MAP1B: variants seen among roughly 807,000 people sequenced by gnomAD.
MAP1B encodes microtubule associated protein 1B, also known as microtubule-associated protein 1B.
MAP1B carries 12 observed loss-of-function variants against 176.1 expected under a neutral mutation model. The ratio of observed to expected loss-of-function variants is 0.07; its 90% CI spans 0.04 to 0.11. The LOEUF is 0.11. MAP1B is among the 10% of genes least tolerant of loss of function. The pLI is 1.00. For synonymous variants in MAP1B, 1,044 were observed against 1,135.0 expected (o/e 0.92, Z 1.61); for missense variants, 2,523 against 2,990.5 (o/e 0.84, Z 3.65).
chr5:72,151,989 A>T (rs958673114), intron 2 of MAP1B, among the ~76,000 whole-genome samples: 1 of 152,182 alleles, frequency 6.6e-6, no homozygotes, highest in Non-Finnish European at 1.5e-5. Flanking sequence ...AACTTACATA[A>T]CCGTGCTACT....
At chr5:72,144,669 T>C (rs1746013552) in intron 2 of MAP1B, among the ~76,000 whole-genome samples, 1 of 152,208 alleles carries the variant, frequency 6.6e-6, no homozygotes, top group South Asian at 2.1e-4. Context: ...GTACTAGGAT[T>C]ACAGGCATGA....
At position 72,151,757 on chromosome 5, in the gene MAP1B, C is replaced by T. The variant is rs183428857; in HGVS notation, c.287-31986C>T. 8.7e-4 allele frequency among the ~76,000 whole-genome samples: 133 copies of T among 152,290 alleles called. 3 individuals are homozygous for T. Among genetic ancestry groups the T allele is most frequent in the South Asian group, 2.5e-3 (12 of 4,828 alleles). On this transcript the variant is annotated intron_variant, in intron 2 of 6. Transcript: ENST00000296755. ...TGAGCTGGGCTCACCCAGGGGCCAG[C>T]CTCTCTCTCTGTGTTTTTTACAGTT...
intron 2 of MAP1B, among the ~76,000 whole-genome samples, chr5:72,130,407 G>C (rs1193902440): frequency 2.0e-5 from 3 of 152,218 alleles, no homozygotes; most frequent in Non-Finnish European, 2.9e-5. Flanking sequence ...ATAGTGCCAG[G>C]CATGTGGGCT....
Position 72,198,541 on chromosome 5 carries a change from C to A in MAP1B, c.5186C>A (p.Ser1729Tyr). ...ATCTCAGTATCTCAGGTAGAGGCCT[C>A]CCCGTCCACCTCTTCTGCTCATACC... The part of the protein sequence containing the change: ...ELISVSQVEA[S>Y]PSTSSAHTPS... Residue 1729 changes from serine (S) to tyrosine (Y), a missense_variant, in exon 5 of 7, where the codon TCC (serine) becomes TAC (tyrosine). Around this residue, in one of 4 missense-constraint regions of MAP1B, gnomAD observed 1,925 missense variants for 2,126.0 expected, o/e 0.91. Transcript: ENST00000296755. 3 of 1,614,016 alleles carry A rather than the reference C, an allele frequency of 1.9e-6. No homozygotes were observed.
chr5:72,113,133 A>G (rs1228153979), intron 1 of MAP1B, among the ~76,000 whole-genome samples: 1 of 152,258 alleles, frequency 6.6e-6, no homozygotes, highest in Non-Finnish European at 1.5e-5. Context: ...GCCTTTACCA[A>G]TATTATCCAG....
intron 1 of MAP1B, among the ~76,000 whole-genome samples, chr5:72,111,510 C>A (rs1745339881): frequency 6.6e-6 from 1 of 152,144 alleles, no homozygotes; most frequent in Admixed American, 6.5e-5. Flanking sequence ...ATTTAAAACC[C>A]AGGAAAGATT....
intron 5 of MAP1B, among the ~76,000 whole-genome samples, chr5:72,201,434 T>A (rs575870339): frequency 1.0e-5 from 1 of 99,264 alleles, no homozygotes; most frequent in South Asian, 2.9e-4. Context: ...GTATCCCTGA[T>A]TTTTGATCAT....
chr5:72,208,992 A>T lies in MAP1B; in HGVS notation c.*3753A>T, dbSNP rs1018635091. 2 of 152,250 alleles carry T rather than the reference A, an allele frequency of 1.3e-5. No homozygotes were observed. The highest frequency in any genetic ancestry group is 1.3e-4 in the Admixed American group (2 of 15,288). 9.4% of individuals were successfully genotyped at this position (152,250 alleles called of 1,614,324 possible). A position where few individuals can be genotyped will look rare whatever the true frequency, so the allele number is the denominator to read the frequency against. On this transcript the variant is annotated 3_prime_UTR_variant, in exon 7 of 7. Coordinates refer to ENST00000296755, the MANE Select transcript of MAP1B (RefSeq NM_005909.5). The stretch of plus-strand genomic sequence containing the variant: ...TTAACCAACTGAACAATACACCAAA[A>T]GCAGCCTAGGGATGAGCATTTCTTT...
chr5:72,108,869 C>T (rs1745226984), intron 1 of MAP1B, among the ~76,000 whole-genome samples: 1 of 152,230 alleles, frequency 6.6e-6, no homozygotes, highest in African/African-American at 2.4e-5. Context: ...CGGCCCTCCC[C>T]TCGCTCCTGA....
chr5:72,120,139 T>G (rs1336135258), intron 2 of MAP1B, among the ~76,000 whole-genome samples: 1 of 152,222 alleles, frequency 6.6e-6, no homozygotes, highest in Non-Finnish European at 1.5e-5. Flanking sequence ...ATAAAAACTA[T>G]TCTCAGGACA....
chr5:72,124,040 A>G (rs559153418), intron 2 of MAP1B, among the ~76,000 whole-genome samples: 49 of 152,292 alleles, frequency 3.2e-4, no homozygotes, highest in Non-Finnish European at 6.6e-4. Flanking sequence ...AGAGTATAAT[A>G]AGCATTGCAT....
chr5:72,148,946 T>A (rs1481635270), intron 2 of MAP1B, among the ~76,000 whole-genome samples: 1 of 152,134 alleles, frequency 6.6e-6, no homozygotes, highest in African/African-American at 2.4e-5. Flanking sequence ...TACTACTCCC[T>A]CTTCAGGACC....
At position 72,199,919 on chromosome 5, in the gene MAP1B, C is replaced by T; in HGVS notation, c.6564C>T (p.Pro2188=). The change falls in exon 5 of 7, where the codon CCC becomes CCT. Residue 2188 remains proline (P), a synonymous_variant. Transcript: ENST00000296755. The surrounding 1 kb of genome is among the most constrained non-coding windows in gnomAD (Gnocchi z 4.2). ...CTGAAGACGAGTCGGAAACCATCCC[C>T]ACAGACAAAACTGTCACGTACAAAC... ...IDSEDESETI[P]TDKTVTYKHM... 5 of 1,614,190 alleles carry T rather than the reference C, an allele frequency of 3.1e-6. No homozygotes were observed. Among genetic ancestry groups the T allele is most frequent in the Non-Finnish European group, 4.2e-6 (5 of 1,180,036 alleles).
chr5:72,150,019 T>C (rs189598496), intron 2 of MAP1B, among the ~76,000 whole-genome samples: 18 of 152,360 alleles, frequency 1.2e-4, no homozygotes, highest in African/African-American at 4.1e-4. Flanking sequence ...GGATCTCATT[T>C]TCCAGAATAA....
At chr5:72,159,836 G>C (rs1746295816) in intron 2 of MAP1B, among the ~76,000 whole-genome samples, 1 of 152,180 alleles carries the variant, frequency 6.6e-6, no homozygotes, top group Admixed American at 6.5e-5. Context: ...TTCCATGACA[G>C]AATAGTGTGA....
intron 2 of MAP1B, chr5:72,179,710 G>T (rs754581413): frequency 1.0e-6 from 1 of 985,478 alleles, no homozygotes; most frequent in Non-Finnish European, 1.2e-6. Flanking sequence ...AGAGCTGGAA[G>T]CTTCTCTCTC....
At chr5:72,120,328 C>T (rs916328375) in intron 2 of MAP1B, among the ~76,000 whole-genome samples, 2 of 152,040 alleles carry the variant, frequency 1.3e-5, no homozygotes, top group African/African-American at 2.4e-5. Context: ...CTTAACCCCA[C>T]GGTTTATTTG....
chr5:72,173,714 A>T (rs1340582212), intron 2 of MAP1B, among the ~76,000 whole-genome samples: 1 of 152,252 alleles, frequency 6.6e-6, no homozygotes, highest in African/African-American at 2.4e-5. Flanking sequence ...AGGATAATGT[A>T]CCTCAGATCT....
chr5:72,191,384 T>C (rs1747023790), intron 4 of MAP1B, among the ~76,000 whole-genome samples: 1 of 152,242 alleles, frequency 6.6e-6, no homozygotes, highest in Non-Finnish European at 1.5e-5. Flanking sequence ...ATCCTCCTTA[T>C]GGTTCTCATC....
Sources: allele counts gnomAD v4.1 joint callset (sites outside exome capture counted in the v4.1 genomes callset), GRCh38; gene constraint gnomAD v4.1.1; regional missense constraint gnomAD v4.1.1; non-coding constraint Gnocchi (gnomAD v3.1); transcripts MANE v1.5; gene names NCBI Gene and HGNC (gene_info 2026-07-23, HGNC 2026-07-21).